NCS1: variants seen among roughly 807,000 people sequenced by gnomAD.
NCS1 encodes neuronal calcium sensor 1.
Under a neutral mutation model 28.4 loss-of-function variants are expected in NCS1, and 6 were observed. The ratio of observed to expected loss-of-function variants is 0.21; its 90% CI spans 0.12 to 0.42. The LOEUF is 0.42. Ranked by LOEUF, NCS1 falls within the 10% of genes least tolerant of loss-of-function variation. NCS1 has a pLI of 1.00. For synonymous variants in NCS1, 86 were observed against 99.3 expected, an observed-to-expected ratio of 0.87 and a Z score of 0.79; for missense variants, 131 against 241.4, an observed-to-expected ratio of 0.54 and a Z score of 3.03.
At chr9:130,195,107 A>T (rs1050173978) in intron 1 of NCS1, among the ~76,000 whole-genome samples, 1 of 152,186 alleles carries the variant, frequency 6.6e-6, no homozygotes, top group Non-Finnish European at 1.5e-5. Flanking sequence ...TGGGCCGAGC[A>T]CCAGTCCCTC....
chr9:130,205,942 T>C (rs1239765626), intron 2 of NCS1, among the ~76,000 whole-genome samples: 20 of 152,156 alleles, frequency 1.3e-4, no homozygotes, highest in Non-Finnish European at 2.8e-4. Flanking sequence ...GGCAGTACCT[T>C]GAAGGCTAGG....
intron 2 of NCS1, among the ~76,000 whole-genome samples, chr9:130,216,296 G>A (rs936439356): frequency 1.3e-5 from 2 of 152,182 alleles, no homozygotes; most frequent in African/African-American, 4.8e-5. Context: ...GAAAGTCTTC[G>A]GTGATCTGGC....
intron 5 of NCS1, 62 bp from the exon 6 acceptor site, chr9:130,223,020 C>G: frequency 2.8e-6 from 4 of 1,435,144 alleles, no homozygotes; most frequent in South Asian, 2.3e-5. Flanking sequence ...GGGGCAAATG[C>G]GTGGCCAAGA....
rs1554911453 is a variant in NCS1, at chr9:130,226,710, C to A, written c.*17+206C>A. Among the ~76,000 whole-genome samples, 2 of 151,984 alleles carry A rather than the reference C, an allele frequency of 1.3e-5. No individual in the cohort carries two copies. Among genetic ancestry groups the A allele is most frequent in the Non-Finnish European group, 2.9e-5 (2 of 67,984 alleles). On this transcript the variant is annotated intron_variant, in intron 7 of 7. Coordinates refer to ENST00000372398, the MANE Select transcript of NCS1 (RefSeq NM_014286.4). The surrounding 1 kb of genome is among the most constrained non-coding windows in gnomAD (Gnocchi z 4.8). ...CTCTGTTTTGATCATTTTTATAGAC[C>A]CAGATCAGCCTGCGAGTTTGCTTGA...
intron 4 of NCS1, among the ~76,000 whole-genome samples, chr9:130,220,227 A>G (rs538827033): frequency 2.0e-5 from 3 of 152,244 alleles, no homozygotes; most frequent in South Asian, 2.1e-4. Flanking sequence ...CACCTCTTTC[A>G]TAGCCATTGC....
At position 130,226,614 on chromosome 9, in the gene NCS1, G is replaced by C. The variant is rs1833420217; in HGVS notation, c.*17+110G>C. On this transcript the variant is annotated intron_variant, in intron 7 of 7. Transcript: ENST00000372398. The surrounding 1 kb of genome is among the most constrained non-coding windows in gnomAD (Gnocchi z 4.8). Reference sequence around the variant, plus strand: ...AATTACCTGGGTCTCTGGGGGTGTTGTGGTCAGCCTAGCAGGGACATAGCT... The same window carrying C: ...AATTACCTGGGTCTCTGGGGGTGTTCTGGTCAGCCTAGCAGGGACATAGCT... The C allele has an allele frequency of 3.7e-6, 3 of 810,690 alleles. No individual in the cohort carries two copies. Among genetic ancestry groups the C allele is most frequent in the Admixed American group, 4.2e-5 (2 of 47,234 alleles). 50.2% of individuals were successfully genotyped at this position (810,690 alleles called of 1,614,324 possible).
chr9:130,231,409 G>A (rs1408912893), intron 7 of NCS1, among the ~76,000 whole-genome samples: 3 of 151,826 alleles, frequency 2.0e-5, no homozygotes, highest in Non-Finnish European at 4.4e-5. Flanking sequence ...TTGAGGTGGA[G>A]TCTCACTCTT....
At chr9:130,201,064 C>T in intron 2 of NCS1, 82 bp downstream of exon 2, 1 of 1,584,290 alleles carries the variant, frequency 6.3e-7, no homozygotes, top group Non-Finnish European at 8.7e-7. Flanking sequence ...GACAGCAGTC[C>T]AGCTGCTCAG....
intron 4 of NCS1, 111 bp from the exon 5 acceptor site, chr9:130,222,539 T>C: frequency 1.2e-6 from 1 of 813,936 alleles, no homozygotes; most frequent in Non-Finnish European, 2.1e-6. Context: ...TGATGAGGAA[T>C]GGGCCATCCG....
At chr9:130,200,221 G>C (rs3780715) in intron 1 of NCS1, among the ~76,000 whole-genome samples, 1 of 152,030 alleles carries the variant, frequency 6.6e-6, no homozygotes, top group African/African-American at 2.4e-5. Context: ...TGGTGGTTTG[G>C]TGTTCTTGTT....
rs146827188 is a variant in NCS1 at position 130,177,207 on chromosome 9, G to A, written c.64+4480G>A. Among the ~76,000 whole-genome samples the A allele has an allele frequency of 0.015, 2,309 of 152,302 alleles. 28 individuals carry two copies. The highest frequency in any genetic ancestry group is 0.018 in the Non-Finnish European group (1,209 of 68,012). On this transcript the variant is annotated intron_variant, in intron 1 of 7. Coordinates refer to ENST00000372398, the MANE Select transcript of NCS1 (RefSeq NM_014286.4). This position sits in a 1 kb window ranked among gnomAD's most constrained non-coding sequence, Gnocchi z 4.4. ...GGACGGGTCCCTGGCTCCAGGTTGG[G>A]GTCAGCAGTTGGGTTCTTGGGTGTC...
At chr9:130,195,937 A>G (rs1383699647) in intron 1 of NCS1, among the ~76,000 whole-genome samples, 6 of 152,198 alleles carry the variant, frequency 3.9e-5, no homozygotes, top group Non-Finnish European at 7.3e-5. Flanking sequence ...CCCAGAGCCC[A>G]GAGCCCAGAC....
chr9:130,212,721 G>A (rs1338677943), intron 2 of NCS1, among the ~76,000 whole-genome samples: 4 of 151,726 alleles, frequency 2.6e-5, no homozygotes, highest in Non-Finnish European at 5.9e-5. Context: ...TGCAGGAGTG[G>A]GGGATGGAGT....
chr9:130,227,735 A>T (rs1554911598), intron 7 of NCS1, among the ~76,000 whole-genome samples: 2 of 152,228 alleles, frequency 1.3e-5, no homozygotes, highest in African/African-American at 4.8e-5. Flanking sequence ...ATCCATTGCT[A>T]CATATTACAT....
intron 1 of NCS1, among the ~76,000 whole-genome samples, chr9:130,187,030 G>A (rs1554905700): frequency 6.6e-6 from 1 of 152,218 alleles, no homozygotes; most frequent in Non-Finnish European, 1.5e-5. Flanking sequence ...TGCTTTAGGA[G>A]GTACCTGGAG....
At chr9:130,172,886 G>A (rs1395903425) in intron 1 of NCS1, among the ~76,000 whole-genome samples, 159 bp downstream of exon 1, 1 of 150,614 alleles carries the variant, frequency 6.6e-6, no homozygotes, top group Non-Finnish European at 1.5e-5. Context: ...AGGTTCCCGG[G>A]CCGCGCCCCT....
intron 1 of NCS1, among the ~76,000 whole-genome samples, chr9:130,197,164 G>A (rs782784638): frequency 1.3e-5 from 2 of 152,192 alleles, no homozygotes; most frequent in African/African-American, 2.4e-5. Flanking sequence ...GCTATTTCAC[G>A]ATCGAAGGCA....
At position 130,172,640 on chromosome 9, in the gene NCS1, G is replaced by A; in HGVS notation, c.-24G>A. ...CGCCCCAACCGGGTCCGGCCCGGGG[G>A]GGCGGGGGCCGCGGCCGCCGAGGAT... On this transcript the variant is annotated 5_prime_UTR_variant, in exon 1 of 8. Coordinates refer to ENST00000372398, the MANE Select transcript of NCS1 (RefSeq NM_014286.4). 1 of 1,426,770 alleles carries A rather than the reference G, an allele frequency of 7.0e-7. No homozygotes were observed. Among genetic ancestry groups the A allele is most frequent in the East Asian group, 3.4e-5 (1 of 29,758 alleles). 88.4% of individuals were successfully genotyped at this position (1,426,770 alleles called of 1,614,324 possible). A position where few individuals can be genotyped will look rare whatever the true frequency, so the allele number is the denominator to read the frequency against.
chr9:130,224,571 AAAAT>A (rs1833386435), intron 6 of NCS1, among the ~76,000 whole-genome samples: 1 of 145,132 alleles, frequency 6.9e-6, no homozygotes. Context: ...GAAAAAAAAT[AAAAT>A]AAAAGGAACC....
Sources: allele counts gnomAD v4.1 joint callset (sites outside exome capture counted in the v4.1 genomes callset), GRCh38; gene constraint gnomAD v4.1.1; non-coding constraint Gnocchi (gnomAD v3.1); transcripts MANE v1.5; gene names NCBI Gene and HGNC (gene_info 2026-07-23, HGNC 2026-07-21).